Variants in ADAMTS18 observed in about 807,000 individuals in gnomAD.
ADAMTS18 encodes the protein ADAM metallopeptidase with thrombospondin type 1 motif 18, also known as A disintegrin and metalloproteinase with thrombospondin motifs 18.
ADAMTS18 carries 157 observed loss-of-function variants against 165.9 expected under a neutral mutation model. The observed-to-expected ratio is 0.95, with a 90% confidence interval of 0.83 to 1.08. The LOEUF is 1.08. Among genes scored for constraint, ADAMTS18 ranks in the 50% least tolerant of loss-of-function variants. ADAMTS18 has a pLI of 0.00. For missense variants in ADAMTS18, 2,040 were observed against 1,534.0 expected (o/e 1.33, Z -5.51); for synonymous variants, 782 against 578.2 (o/e 1.35, Z -5.06).
intron 3 of ADAMTS18, among the ~76,000 whole-genome samples, chr16:77,403,745 T>C (rs1203262031): frequency 1.3e-5 from 2 of 152,178 alleles, no homozygotes. Flanking sequence ...TCAGAGATGC[T>C]GGGAAAAATC....
At chr16:77,428,837 G>C (rs1407777669) in intron 3 of ADAMTS18, among the ~76,000 whole-genome samples, 2 of 151,978 alleles carry the variant, frequency 1.3e-5, no homozygotes, top group East Asian at 1.9e-4. Flanking sequence ...AACACTTCTG[G>C]TCCCAAACAT....
intron 16 of ADAMTS18, among the ~76,000 whole-genome samples, chr16:77,316,855 C>T (rs2055896213): frequency 6.6e-6 from 1 of 152,000 alleles, no homozygotes; most frequent in African/African-American, 2.4e-5. Context: ...TTAGTAGAAA[C>T]AGGACTTCAC....
intron 16 of ADAMTS18, among the ~76,000 whole-genome samples, chr16:77,304,717 A>C (rs1230316411): frequency 2.0e-5 from 3 of 152,246 alleles, no homozygotes; most frequent in Non-Finnish European, 4.4e-5. Flanking sequence ...GAAAAAGAGA[A>C]ATAACTTACA....
chr16:77,337,906 TTC>T (rs2056335207), intron 11 of ADAMTS18, among the ~76,000 whole-genome samples: 2 of 119,908 alleles, frequency 1.7e-5, no homozygotes, highest in Admixed American at 1.9e-4. Context: ...TTCTTTTCTT[TTC>T]TTTTTTTTTT....
At chr16:77,289,958 C>T (rs1326145158) in intron 21 of ADAMTS18, among the ~76,000 whole-genome samples, 2 of 151,632 alleles carry the variant, frequency 1.3e-5, no homozygotes, top group Non-Finnish European at 2.9e-5. Context: ...GTAGACAACT[C>T]AACTGTCTTT....
intron 3 of ADAMTS18, among the ~76,000 whole-genome samples, chr16:77,395,991 G>C (rs2057251897): frequency 6.6e-6 from 1 of 152,152 alleles, no homozygotes; most frequent in South Asian, 2.1e-4. Flanking sequence ...ATGTCATTTA[G>C]TATTCCTAAC....
intron 3 of ADAMTS18, 68 bp downstream of exon 3, chr16:77,431,227 G>A (rs1294140196): frequency 3.2e-6 from 5 of 1,545,334 alleles, no homozygotes; most frequent in Non-Finnish European, 4.5e-6. Flanking sequence ...TTATATTGCA[G>A]ACATCTGTTC....
intron 3 of ADAMTS18, among the ~76,000 whole-genome samples, chr16:77,380,435 T>C (rs1038876169): frequency 1.3e-5 from 2 of 152,214 alleles, no homozygotes; most frequent in African/African-American, 4.8e-5. Flanking sequence ...GCGTCATGGC[T>C]GTATTCAAAA....
intron 12 of ADAMTS18, among the ~76,000 whole-genome samples, chr16:77,334,712 C>G (rs1455599125): frequency 2.0e-5 from 2 of 99,934 alleles, no homozygotes; most frequent in Non-Finnish European, 3.8e-5. Flanking sequence ...ATACTGTATA[C>G]TATAGTATAC....
At chr16:77,361,231 A>C (rs2056708639) in intron 7 of ADAMTS18, among the ~76,000 whole-genome samples, 1 of 152,190 alleles carries the variant, frequency 6.6e-6, no homozygotes, top group Non-Finnish European at 1.5e-5. Flanking sequence ...TAACATATTG[A>C]CTGTCTGGCC....
At chr16:77,296,587 C>A (rs1372230013) in intron 18 of ADAMTS18, among the ~76,000 whole-genome samples, 1 of 152,186 alleles carries the variant, frequency 6.6e-6, no homozygotes, top group Admixed American at 6.5e-5. Flanking sequence ...AATGCCAGAA[C>A]TTTGGGATGC....
At chr16:77,343,407 A>G (rs2056429309) in intron 10 of ADAMTS18, among the ~76,000 whole-genome samples, 1 of 152,306 alleles carries the variant, frequency 6.6e-6, no homozygotes, top group Non-Finnish European at 1.5e-5. Flanking sequence ...TACTTCCAGA[A>G]CTATAAGATA....
chr16:77,373,267 G>C (rs528410171), intron 3 of ADAMTS18, among the ~76,000 whole-genome samples: 1 of 152,130 alleles, frequency 6.6e-6, no homozygotes, highest in South Asian at 2.1e-4. Flanking sequence ...GAGGTCAGGA[G>C]ATTGAGAACA....
At chr16:77,405,481 G>T (rs1437126723) in intron 3 of ADAMTS18, among the ~76,000 whole-genome samples, 2 of 152,164 alleles carry the variant, frequency 1.3e-5, no homozygotes, top group African/African-American at 2.4e-5. Flanking sequence ...CTTAGGAAAT[G>T]ATCCCTTCCT....
intron 7 of ADAMTS18, among the ~76,000 whole-genome samples, chr16:77,360,487 A>C (rs937620995): frequency 6.6e-6 from 1 of 151,054 alleles, no homozygotes; most frequent in South Asian, 2.1e-4. Context: ...CACAGTTGAT[A>C]GAATTTCTGG....
intron 3 of ADAMTS18, among the ~76,000 whole-genome samples, chr16:77,409,036 A>T (rs1327443571): frequency 6.6e-6 from 1 of 152,108 alleles, no homozygotes; most frequent in East Asian, 1.9e-4. Context: ...TATCATAAGT[A>T]TGTGTATATA....
At chr16:77,350,868 C>T (rs185035892) in intron 10 of ADAMTS18, among the ~76,000 whole-genome samples, 10 of 151,984 alleles carry the variant, frequency 6.6e-5, no homozygotes, top group East Asian at 1.9e-4. Flanking sequence ...AGTTCCTTTT[C>T]GTTGTTGTTC....
chr16:77,352,700 A>G (rs1472473938), intron 10 of ADAMTS18, among the ~76,000 whole-genome samples: 1 of 152,150 alleles, frequency 6.6e-6, no homozygotes. Flanking sequence ...GAGGAACAGG[A>G]GTAGAGGGGG....
At chr16:77,325,612 A>C (rs948756265) in intron 13 of ADAMTS18, among the ~76,000 whole-genome samples, 1 of 150,662 alleles carries the variant, frequency 6.6e-6, no homozygotes, top group Non-Finnish European at 1.5e-5. Flanking sequence ...GAGAAACATG[A>C]GTTCATTCCA....
Sources: gnomAD v4.1 joint callset for allele counts (sites outside exome capture counted in the v4.1 genomes callset) on GRCh38, gnomAD v4.1.1 for gene constraint, MANE v1.5 for transcripts, NCBI Gene and HGNC (gene_info 2026-07-23, HGNC 2026-07-21) for gene names.